The following ZNF160 variants were observed in gnomAD, a reference collection of about 807,000 sequenced individuals.
ZNF160 encodes zinc finger protein 160, also known as KRAB zinc finger protein KR18.
ZNF160 carries 9 observed loss-of-function variants against 13.1 expected under a neutral mutation model. That is an observed-to-expected ratio of 0.69 (90% confidence interval 0.41 to 1.20). The LOEUF (loss-of-function observed/expected upper bound fraction) is 1.20, where lower values mean the gene tolerates loss of function less well. ZNF160 is among the 50% of genes most tolerant of loss of function. The pLI, the probability that ZNF160 is intolerant of heterozygous loss-of-function variation, is 0.01. For synonymous variants in ZNF160, 293 were observed against 333.2 expected, an observed-to-expected ratio of 0.88 and a Z score of 1.31; for missense variants, 838 against 988.0, an observed-to-expected ratio of 0.85 and a Z score of 2.04.
At chr19:53,092,779 G>C (rs1398771192) in intron 1 of ZNF160, among the ~76,000 whole-genome samples, 1 of 152,214 alleles carries the variant, frequency 6.6e-6, no homozygotes, top group African/African-American at 2.4e-5. Context: ...TTCATCAATG[G>C]AAAAGTGGTG....
At chr19:53,086,473 C>T (rs898204679) in intron 2 of ZNF160, 152 bp from the exon 3 acceptor site, 1 of 240,044 alleles carries the variant, frequency 4.2e-6, no homozygotes, top group Non-Finnish European at 6.7e-6. Context: ...CCCACTGCAC[C>T]AGGGGGAATA....
intron 1 of ZNF160, among the ~76,000 whole-genome samples, chr19:53,091,969 T>C (rs1481284901): frequency 2.0e-5 from 3 of 152,218 alleles, no homozygotes; most frequent in East Asian, 3.9e-4. Context: ...TTTTTACAAA[T>C]AGAAATAAAT....
rs2084007557 is a variant in ZNF160 at position 53,067,616 on chromosome 19, A to T, written c.*461T>A. ...ATAGTAGGCTTTCCAAAAAACCTCA[A>T]ATAACTCAGTGAAACATTTCATAAG... On this transcript the variant is annotated 3_prime_UTR_variant, in exon 6 of 6. Coordinates refer to ENST00000683776, the MANE Select transcript of ZNF160 (RefSeq NM_001322131.2). 1 of 154,728 alleles carries T rather than the reference A, an allele frequency of 6.5e-6. No homozygotes were observed. Among genetic ancestry groups the T allele is most frequent in the Admixed American group, 6.4e-5 (1 of 15,632 alleles). 9.6% of individuals were successfully genotyped at this position (154,728 alleles called of 1,614,324 possible). A position where few individuals can be genotyped will look rare whatever the true frequency, so the allele number is the denominator to read the frequency against.
chr19:53,097,042 C>T (rs970199505), intron 1 of ZNF160, among the ~76,000 whole-genome samples: 2 of 98,990 alleles, frequency 2.0e-5, no homozygotes, highest in South Asian at 3.4e-4. Context: ...CCCAGGGCCC[C>T]GTGGCCCCTC....
chr19:53,077,704 A>G (rs1317740272), intron 3 of ZNF160, among the ~76,000 whole-genome samples: 2 of 151,166 alleles, frequency 1.3e-5, no homozygotes, highest in African/African-American at 4.8e-5. Flanking sequence ...AAAAAAAGAA[A>G]CATGGACCAT....
rs1184005854 is a variant in ZNF160 at position 53,069,271 on chromosome 19, T to C, written c.1263A>G (p.Gly421=). 1.9e-6 allele frequency: 3 copies of C among 1,612,428 alleles called. No individual in the cohort carries two copies. Among genetic ancestry groups the C allele is most frequent in the South Asian group, 2.2e-5 (2 of 91,048 alleles). Residue 421 remains glycine (G), a synonymous_variant, in exon 6 of 6, where the codon GGA becomes GGG. Transcript: ENST00000683776. This position sits in a 1 kb window ranked among gnomAD's most constrained non-coding sequence, Gnocchi z 4.4. Reference sequence around the variant, plus strand: ...ATTCATTACATTTGTAAGGTTTTTCTCCAGTGTGGATTGTCTGATGGATTG... The same window carrying C: ...ATTCATTACATTTGTAAGGTTTTTCCCCAGTGTGGATTGTCTGATGGATTG... ...SLAIHQTIHT[G]EKPYKCNECG... is the part of the protein sequence containing the mutation.
intron 3 of ZNF160, among the ~76,000 whole-genome samples, chr19:53,083,766 G>A (rs886971914): frequency 2.0e-5 from 3 of 152,088 alleles, no homozygotes; most frequent in South Asian, 2.1e-4. Flanking sequence ...AATTATCTGG[G>A]TGTGGCAGCA....
chr19:53,075,162 C>A lies in ZNF160; in HGVS notation c.37G>T (p.Val13Leu). 6.2e-7 allele frequency: 1 copy of A among 1,614,210 alleles called. No homozygotes were observed. Among genetic ancestry groups the A allele is most frequent in the South Asian group, 1.1e-5 (1 of 91,092 alleles). ...LTQVRLTFRD[V>L]AIEFSQEEWK... ...TCCTCCTGAGAGAATTCTATGGCCA[C>A]ATCCCTAAATGTCAACCGTACCTAA... The change falls in exon 4 of 6, where the codon GTG becomes TTG. Residue 13 changes from valine (V) to leucine (L), a missense_variant. Val to Leu is a conservative substitution (Grantham distance 32, BLOSUM62 1). Transcript: ENST00000683776.
intron 3 of ZNF160, among the ~76,000 whole-genome samples, chr19:53,082,152 T>C (rs1452132566): frequency 6.6e-6 from 1 of 152,180 alleles, no homozygotes; most frequent in Non-Finnish European, 1.5e-5. Flanking sequence ...AAAAACTATC[T>C]ATCGGGTACT....
chr19:53,087,461 AG>A (rs1229581868), intron 2 of ZNF160, among the ~76,000 whole-genome samples: 1 of 152,220 alleles, frequency 6.6e-6, no homozygotes, highest in African/African-American at 2.4e-5. Context: ...GCTGAGCCCC[AG>A]GAAGTACAGG....
chr19:53,074,669 CAA>C (rs55829838), intron 4 of ZNF160, among the ~76,000 whole-genome samples: 50 of 123,400 alleles, frequency 4.1e-4, no homozygotes, highest in African/African-American at 5.8e-4. Flanking sequence ...GACTCCGCCT[CAA>C]AAAAAAAAAA....
intron 3 of ZNF160, 145 bp downstream of exon 3, chr19:53,086,115 CGA>C: frequency 7.5e-7 from 1 of 1,339,888 alleles, no homozygotes; most frequent in Non-Finnish European, 1.0e-6. Context: ...GGAATCTAAA[CGA>C]GATGAGAGGG....
At chr19:53,089,357 G>C (rs1183318452) in intron 2 of ZNF160, among the ~76,000 whole-genome samples, 2 of 152,200 alleles carry the variant, frequency 1.3e-5, no homozygotes, top group Non-Finnish European at 2.9e-5. Flanking sequence ...TGAGTTTTCT[G>C]TGTGGAGTGT....
At chr19:53,095,452 T>A (rs2085197599) in intron 1 of ZNF160, 1 of 151,840 alleles carries the variant, frequency 6.6e-6, no homozygotes, top group Non-Finnish European at 1.5e-5. Context: ...AATCCCCAGG[T>A]GCGCTCATGG....
Position 53,086,308 on chromosome 19 carries a change from T to C in ZNF160, c.-32A>G. 6.3e-7 allele frequency: 1 copy of C among 1,577,244 alleles called. No individual in the cohort carries two copies. Among genetic ancestry groups the C allele is most frequent in the Non-Finnish European group, 8.6e-7 (1 of 1,164,502 alleles). ...CTCCTTTTCTTTCCTCTTCCTCTTC[T>C]TCCAGACTTCTTCCTTGGGTAACAT... is the stretch of plus-strand genomic sequence containing the variant. On this transcript the variant is annotated 5_prime_UTR_variant, in exon 3 of 6. Coordinates refer to ENST00000683776, the MANE Select transcript of ZNF160 (RefSeq NM_001322131.2).
intron 2 of ZNF160, among the ~76,000 whole-genome samples, chr19:53,089,845 T>A (rs1352379560): frequency 1.3e-5 from 2 of 151,610 alleles, no homozygotes; most frequent in African/African-American, 2.4e-5. Flanking sequence ...TCCCCCCAGG[T>A]TTCTGCTCCT....
chr19:53,070,584 TTTTGTA>T lies in ZNF160; in HGVS notation c.272-328_272-323del, dbSNP rs563767341. The stretch of plus-strand genomic sequence containing the variant: ...CGCCACCACGCCTGGCTAATTTTGT[TTTTGTA>T]TTTTTAGTAGAGACGGGGTTTCACC... On this transcript the variant is annotated intron_variant, in intron 5 of 5. Coordinates refer to ENST00000683776, the MANE Select transcript of ZNF160 (RefSeq NM_001322131.2). 8.1e-3 allele frequency among the ~76,000 whole-genome samples: 1,228 copies of T among 152,158 alleles called. 7 individuals carry two copies. The highest frequency in any genetic ancestry group is 0.012 in the Non-Finnish European group (843 of 67,998).
intron 1 of ZNF160, among the ~76,000 whole-genome samples, chr19:53,093,135 T>C (rs1234642805): frequency 6.6e-6 from 1 of 152,118 alleles, no homozygotes; most frequent in African/African-American, 2.4e-5. Flanking sequence ...TCACAAGAGA[T>C]TTAAAAAGGA....
chr19:53,071,919 A>G (rs2084191418), intron 5 of ZNF160, among the ~76,000 whole-genome samples: 1 of 152,182 alleles, frequency 6.6e-6, no homozygotes, highest in African/African-American at 2.4e-5. Context: ...GCTCACAGGA[A>G]ACATAATTAA....
Sources: gnomAD v4.1 joint callset for allele counts (sites outside exome capture counted in the v4.1 genomes callset) on GRCh38, gnomAD v4.1.1 for gene constraint, Gnocchi (gnomAD v3.1) non-coding constraint, MANE v1.5 for transcripts, NCBI Gene and HGNC (gene_info 2026-07-23, HGNC 2026-07-21) for gene names.